Variants in COL1A2 observed in about 807,000 individuals in gnomAD.
COL1A2 encodes the protein collagen type I alpha 2 chain, also known as collagen alpha-2(I) chain.
A neutral mutation model predicts 174.3 loss-of-function variants in COL1A2; 49 were observed. The ratio of observed to expected loss-of-function variants is 0.28; its 90% CI spans 0.22 to 0.36. COL1A2 has a LOEUF of 0.36. Among genes scored for constraint, COL1A2 ranks in the 10% least tolerant of loss-of-function variants. The pLI is 1.00. For synonymous variants in COL1A2, 655 were observed against 606.6 expected, an observed-to-expected ratio of 1.08 and a Z score of -1.17; for missense variants, 1,438 against 1,822.7, an observed-to-expected ratio of 0.79 and a Z score of 3.84.
At chr7:94,407,369 T>A (rs1051017053) in intron 12 of COL1A2, among the ~76,000 whole-genome samples, 1 of 97,368 alleles carries the variant, frequency 1.0e-5, no homozygotes, top group African/African-American at 4.2e-5. Context: ...ACTACCCTGG[T>A]TTTTACTCAG....
At chr7:94,407,439 T>G (rs953526776) in intron 12 of COL1A2, among the ~76,000 whole-genome samples, 6 of 152,138 alleles carry the variant, frequency 3.9e-5, no homozygotes, top group African/African-American at 1.2e-4. Flanking sequence ...GAAGCTTCAA[T>G]TTTTCATGCA....
intron 11 of COL1A2, 137 bp downstream of exon 11, chr7:94,405,863 A>G (rs1791783768): frequency 1.2e-6 from 1 of 818,490 alleles, no homozygotes; most frequent in East Asian, 2.5e-5. Flanking sequence ...AGAGTTAAAG[A>G]GTCAGATTTC....
At chr7:94,417,980 C>A in intron 32 of COL1A2, 149 bp downstream of exon 32, 1 of 715,972 alleles carries the variant, frequency 1.4e-6, no homozygotes. Flanking sequence ...CTAGCACCTA[C>A]ACATTTCTAA....
Position 94,430,041 on chromosome 7 carries a change from G to C in COL1A2, c.3955-206G>C, listed in dbSNP as rs1011437947. 6.8e-5 allele frequency: 40 copies of C among 592,508 alleles called. No individual in the cohort carries two copies. In the South Asian group the frequency reaches 7.9e-4, roughly 12 times the overall value. 36.7% of individuals were successfully genotyped at this position (592,508 alleles called of 1,614,324 possible). A position where few individuals can be genotyped will look rare whatever the true frequency, so the allele number is the denominator to read the frequency against. On this transcript the variant is annotated intron_variant, in intron 51 of 51. Coordinates refer to ENST00000297268, the MANE Select transcript of COL1A2 (RefSeq NM_000089.4). Reference sequence around the variant, plus strand: ...GTTGGTTTTTTTGGTTTGTTTGTTTGTTTGTTTTTTGTTAGACTGATAGGG... The same window carrying C: ...GTTGGTTTTTTTGGTTTGTTTGTTTCTTTGTTTTTTGTTAGACTGATAGGG...
intron 1 of COL1A2, among the ~76,000 whole-genome samples, chr7:94,397,248 T>TA (rs1791601793): frequency 6.6e-6 from 1 of 152,144 alleles, no homozygotes; most frequent in Non-Finnish European, 1.5e-5. Context: ...CAATGTTTTA[T>TA]AAAAAAGTAA....
At position 94,413,133 on chromosome 7, in the gene COL1A2, T is replaced by C; in HGVS notation, c.1554T>C (p.Ala518=). ...AAGGTCATGCTGGTCTTGCTGGTGC[T>C]CGGGTAGGTGCTAACTTGTGTACAG... ...GDKGHAGLAG[A]RGAPGPDGNN... The change falls in exon 26 of 52, where the codon GCT becomes GCC. Residue 518 remains alanine, a synonymous_variant. Transcript: ENST00000297268. 1 of 1,614,184 alleles carries C rather than the reference T, an allele frequency of 6.2e-7. No individual in the cohort carries two copies. The highest frequency in any genetic ancestry group is 1.1e-5 in the South Asian group (1 of 91,086).
chr7:94,401,995 T>C (rs1238047485), intron 6 of COL1A2, among the ~76,000 whole-genome samples: 2 of 152,152 alleles, frequency 1.3e-5, no homozygotes, highest in Admixed American at 6.5e-5. Context: ...TTGCTTAGAA[T>C]TTTAAGCAAC....
Position 94,400,239 on chromosome 7 carries a change from C to T in COL1A2, c.176C>T (p.Thr59Ile). ...PPGRDGEDGP[T>I]GPPGPPGPPG... ...GGCAGAGATGGTGAAGATGGTCCCA[C>T]AGGCCCTCCTGGTCCACCTGGTCCT... Residue 59 changes from threonine to isoleucine, a missense_variant, in exon 5 of 52, where the codon ACA becomes ATA. Physicochemically the swap from Thr to Ile is moderately conservative, Grantham distance 89. Coordinates refer to ENST00000297268, the MANE Select transcript of COL1A2 (RefSeq NM_000089.4). 6.2e-7 allele frequency: 1 copy of T among 1,613,068 alleles called. No individual in the cohort carries two copies. Among genetic ancestry groups the T allele is most frequent in the Non-Finnish European group, 8.5e-7 (1 of 1,179,940 alleles).
chr7:94,424,422 A>G lies in COL1A2; in HGVS notation c.2652A>G (p.Leu884=), dbSNP rs767163464. 6.2e-7 allele frequency: 1 copy of G among 1,614,116 alleles called. No individual in the cohort carries two copies. The highest frequency in any genetic ancestry group is 8.5e-7 in the Non-Finnish European group (1 of 1,179,996). The change falls in exon 41 of 52, where the codon CTA becomes CTG. Residue 884 remains leucine (L), a synonymous_variant. Transcript: ENST00000297268. ...CTGGCTCGAGAGGTGAACGTGGTCT[A>G]CCAGGTGTTGCTGGTGCTGTGGTGA... ...GLPGSRGERG[L]PGVAGAVGEP...
intron 1 of COL1A2, among the ~76,000 whole-genome samples, chr7:94,397,087 T>C (rs1459429823): frequency 6.6e-6 from 1 of 152,084 alleles, no homozygotes; most frequent in African/African-American, 2.4e-5. Context: ...TACATATTGG[T>C]AAAATGATCT....
chr7:94,420,952 A>T (rs754470535), intron 37 of COL1A2, 57 bp from the exon 38 acceptor site: 1 of 1,488,926 alleles, frequency 6.7e-7, no homozygotes, highest in Non-Finnish European at 9.4e-7. Flanking sequence ...TGAAGAAAAG[A>T]GTAGCATTTA....
At chr7:94,401,014 A>G (rs1791678280) in intron 5 of COL1A2, among the ~76,000 whole-genome samples, 1 of 152,228 alleles carries the variant, frequency 6.6e-6, no homozygotes, top group African/African-American at 2.4e-5. Flanking sequence ...CTTTAACAGT[A>G]AAGTTATTAC....
Position 94,408,800 on chromosome 7 carries a change from T to C in COL1A2, c.769T>C (p.Phe257Leu). ...CATTGGGTCTGCTGGCCCTCCAGGC[T>C]TCCCAGGTGCCCCTGGCCCCAAGGT... ...GPIGSAGPPGFPGAPGPKGEI... is the reference protein window; with the variant it reads ...GPIGSAGPPGLPGAPGPKGEI... Residue 257 changes from phenylalanine to leucine, a missense_variant, in exon 16 of 52, where the codon TTC (phenylalanine) becomes CTC (leucine). This residue lies in a region of COL1A2 where 867 missense variants were observed against 1,213.7 expected (regional missense o/e 0.71). Coordinates refer to ENST00000297268, the MANE Select transcript of COL1A2 (RefSeq NM_000089.4). 1 of 1,613,760 alleles carries C rather than the reference T, an allele frequency of 6.2e-7. No homozygotes were observed. Among genetic ancestry groups the C allele is most frequent in the Non-Finnish European group, 8.5e-7 (1 of 1,179,882 alleles).
intron 5 of COL1A2, among the ~76,000 whole-genome samples, chr7:94,401,309 A>G (rs1015261361): frequency 6.6e-6 from 1 of 152,150 alleles, no homozygotes; most frequent in African/African-American, 2.4e-5. Context: ...GTTAAGGCAG[A>G]GGAAGGGCTC....
intron 1 of COL1A2, chr7:94,395,547 G>A (rs978038269): frequency 1.3e-5 from 4 of 301,140 alleles, no homozygotes; most frequent in Non-Finnish European, 2.6e-5. Context: ...CACCTCCTAA[G>A]AGCTTTTATC....
intron 29 of COL1A2, among the ~76,000 whole-genome samples, chr7:94,415,009 C>A (rs753106965): frequency 6.6e-6 from 1 of 152,056 alleles, no homozygotes; most frequent in Non-Finnish European, 1.5e-5. Context: ...TTTTTTGATA[C>A]CAAGTTCTGG....
intron 6 of COL1A2, among the ~76,000 whole-genome samples, chr7:94,403,751 A>G (rs1584315457): frequency 6.6e-6 from 1 of 152,150 alleles, no homozygotes; most frequent in African/African-American, 2.4e-5. Context: ...TACATGAAAT[A>G]TTTTCAGCAT....
intron 1 of COL1A2, among the ~76,000 whole-genome samples, chr7:94,395,812 A>C (rs1791571904): frequency 6.6e-6 from 1 of 152,024 alleles, no homozygotes; most frequent in Non-Finnish European, 1.5e-5. Flanking sequence ...CATTCTGAAA[A>C]GTAATATAAG....
intron 39 of COL1A2, 125 bp from the exon 40 acceptor site, chr7:94,422,832 A>G: frequency 8.5e-7 from 1 of 1,170,292 alleles, no homozygotes; most frequent in Admixed American, 1.8e-5. Flanking sequence ...TATTTCCCCC[A>G]AATGGCCAGG....
Sources: allele counts gnomAD v4.1 joint callset (sites outside exome capture counted in the v4.1 genomes callset), GRCh38; gene constraint gnomAD v4.1.1; regional missense constraint gnomAD v4.1.1; transcripts MANE v1.5; gene names NCBI Gene and HGNC (gene_info 2026-07-23, HGNC 2026-07-21).